PSORS1C1: variants seen among roughly 807,000 people sequenced by gnomAD.
The protein encoded by PSORS1C1 is psoriasis susceptibility 1 candidate 1.
A neutral mutation model predicts 9.4 loss-of-function variants in PSORS1C1; 7 were observed. That is an observed-to-expected ratio of 0.75 (90% CI 0.42 to 1.40). The LOEUF (loss-of-function observed/expected upper bound fraction) is 1.40, where lower values mean the gene tolerates loss of function less well. PSORS1C1 is among the 40% of genes most tolerant of loss of function. The pLI is 0.01. For missense variants in PSORS1C1, 146 were observed against 178.1 expected, an observed-to-expected ratio of 0.82 and a Z score of 1.02; for synonymous variants, 63 against 69.4, an observed-to-expected ratio of 0.91 and a Z score of 0.46.
Position 31,115,992 on chromosome 6 carries a change from C to T in PSORS1C1, c.-229+1101C>T. 1 of 1,582,220 alleles carries T rather than the reference C, an allele frequency of 6.3e-7. No individual in the cohort carries two copies. The highest frequency in any genetic ancestry group is 1.1e-5 in the South Asian group (1 of 90,232). ...GATATAGTGTATGTGCTTGTTTGTG[C>T]CCAAGGCATGCACACACACAACAGT... On this transcript the variant is annotated intron_variant, in intron 1 of 5. Coordinates refer to ENST00000259881, the MANE Select transcript of PSORS1C1 (RefSeq NM_014068.3). This position sits in a 1 kb window ranked among gnomAD's most constrained non-coding sequence, Gnocchi z 4.2.
At chr6:31,116,183 C>A in intron 1 of PSORS1C1, 2 of 1,613,076 alleles carry the variant, frequency 1.2e-6, no homozygotes, top group Non-Finnish European at 1.7e-6. Context: ...GCGGAGGGAT[C>A]AGGATGGGGA....
At chr6:31,118,834 C>CTTATTTT (rs1772303403) in intron 1 of PSORS1C1, 1 of 79,788 alleles carries the variant, frequency 1.3e-5, no homozygotes. Flanking sequence ...GAAGTTTTTT[C>CTTATTTT]TTCTTCTTCT....
At chr6:31,130,102 AAATT>A (rs921435900) in intron 3 of PSORS1C1, among the ~76,000 whole-genome samples, 3 of 151,342 alleles carry the variant, frequency 2.0e-5, no homozygotes, top group African/African-American at 7.3e-5. Context: ...AAAAAATAAA[AAATT>A]AATTAATTAA....
Position 31,115,868 on chromosome 6 carries a change from T to A in PSORS1C1, c.-229+977T>A. On this transcript the variant is annotated intron_variant, in intron 1 of 5. Coordinates refer to ENST00000259881, the MANE Select transcript of PSORS1C1 (RefSeq NM_014068.3). This position sits in a 1 kb window ranked among gnomAD's most constrained non-coding sequence, Gnocchi z 4.2. ...AGGAGGAAGGGGTGATAAGAGAGAG[T>A]CTGCAACCTTGGGGTAGTGGAGAAA... The A allele has an allele frequency of 1.6e-6, 1 of 635,624 alleles. No homozygotes were observed. Among genetic ancestry groups the A allele is most frequent in the South Asian group, 2.0e-5 (1 of 50,952 alleles). The allele number at this position is 635,624 out of a possible 1,614,324, so 39.4% of individuals were successfully genotyped here. A position where few individuals can be genotyped will look rare whatever the true frequency, so the allele number is the denominator to read the frequency against.
intron 2 of PSORS1C1, among the ~76,000 whole-genome samples, chr6:31,127,261 C>T (rs1554342508): frequency 1.3e-5 from 2 of 152,112 alleles, no homozygotes; most frequent in Non-Finnish European, 1.5e-5. Flanking sequence ...CATCTTCCCT[C>T]CTGTGTTCTG....
At chr6:31,126,351 C>T (rs1230937581) in intron 2 of PSORS1C1, among the ~76,000 whole-genome samples, 1 of 152,162 alleles carries the variant, frequency 6.6e-6, no homozygotes, top group African/African-American at 2.4e-5. Context: ...CAGGACCGTG[C>T]TGTATACTTT....
intron 1 of PSORS1C1, chr6:31,116,112 A>G: frequency 6.2e-7 from 1 of 1,611,448 alleles, no homozygotes; most frequent in Non-Finnish European, 8.5e-7. Context: ...GGGCTAGGAT[A>G]TCCCGGATGG....
intron 1 of PSORS1C1, chr6:31,116,985 G>A: frequency 1.2e-6 from 2 of 1,614,230 alleles, no homozygotes; most frequent in Non-Finnish European, 1.7e-6. Flanking sequence ...TGGAGCTGAC[G>A]CTTTGGCCAC....
chr6:31,116,196 GC>G lies in PSORS1C1; in HGVS notation c.-229+1307del, dbSNP rs755064204. ...CAGCGGAGGGATCAGGATGGGGAGA[GC>G]CATCGGGGCCCCCAGTCAGTGTCAA... On this transcript the variant is annotated intron_variant, in intron 1 of 5. Transcript: ENST00000259881. 1.9e-6 allele frequency: 3 copies of G among 1,613,676 alleles called. No homozygotes were observed. The South Asian group carries it at 3.3e-5, about 18-fold the overall frequency.
intron 3 of PSORS1C1, among the ~76,000 whole-genome samples, chr6:31,134,627 G>A (rs923584894): frequency 1.3e-5 from 2 of 151,534 alleles, no homozygotes; most frequent in Non-Finnish European, 2.9e-5. Flanking sequence ...TTTTTAATGA[G>A]AGTTACCACA....
At chr6:31,130,368 G>A (rs1031640872) in intron 3 of PSORS1C1, among the ~76,000 whole-genome samples, 5 of 150,832 alleles carry the variant, frequency 3.3e-5, no homozygotes, top group African/African-American at 1.2e-4. Context: ...TCTTCCTGCT[G>A]AGTAGCTGGG....
At chr6:31,135,326 TC>T (rs1773094766) in intron 3 of PSORS1C1, among the ~76,000 whole-genome samples, 1 of 152,114 alleles carries the variant, frequency 6.6e-6, no homozygotes, top group Non-Finnish European at 1.5e-5. Context: ...AACCTCTGCC[TC>T]CCAGGTTCAA....
intron 1 of PSORS1C1, chr6:31,120,388 C>G (rs371334209): frequency 6.3e-7 from 1 of 1,593,810 alleles, no homozygotes; most frequent in Non-Finnish European, 8.5e-7. Flanking sequence ...CCCACCCACA[C>G]GCCCCATCCA....
At position 31,117,492 on chromosome 6, in the gene PSORS1C1, A is replaced by G. The variant is rs3132552; in HGVS notation, c.-229+2601A>G. The G allele has an allele frequency of 0.75, 1,164,874 of 1,551,300 alleles. 439,842 individuals are homozygous for G. The highest frequency in any genetic ancestry group is 0.9 in the African/African-American group (65,690 of 73,172). On this transcript the variant is annotated intron_variant, in intron 1 of 5. Coordinates refer to ENST00000259881, the MANE Select transcript of PSORS1C1 (RefSeq NM_014068.3). The stretch of plus-strand genomic sequence containing the variant: ...AGGTGATACGCGTGGGGTCCTTACA[A>G]GGGTCTGAGAAGGTGCCAATGCTCT...
At chr6:31,123,200 T>TCTCCTGTCCA (rs1468312648) in intron 1 of PSORS1C1, among the ~76,000 whole-genome samples, 1 of 152,064 alleles carries the variant, frequency 6.6e-6, no homozygotes, top group African/African-American at 2.4e-5. Flanking sequence ...CTGGCTACTC[T>TCTCCTGTCCA]CTCCTGTCCA....
Position 31,128,528 on chromosome 6 carries a change from T to G in PSORS1C1, c.-64-1041T>G, listed in dbSNP as rs1772778980. On this transcript the variant is annotated intron_variant, in intron 2 of 5. Transcript: ENST00000259881. This position sits in a 1 kb window ranked among gnomAD's most constrained non-coding sequence, Gnocchi z 4.3. Reference sequence around the variant, plus strand: ...TATACTGCAAAAGGAAAGGTGGGGATGGGGTGGGGACTGGGGAATTTGGGG... The same window carrying G: ...TATACTGCAAAAGGAAAGGTGGGGAGGGGGTGGGGACTGGGGAATTTGGGG... 1.3e-5 allele frequency among the ~76,000 whole-genome samples: 2 copies of G among 150,094 alleles called. No individual in the cohort carries two copies. The highest frequency in any genetic ancestry group is 2.0e-4 in the East Asian group (1 of 5,066).
At chr6:31,138,358 G>GC in intron 3 of PSORS1C1, 72 bp from the exon 4 acceptor site, 6 of 1,487,894 alleles carry the variant, frequency 4.0e-6, no homozygotes, top group Non-Finnish European at 5.6e-6. Flanking sequence ...TCTCTCCCCA[G>GC]CCCCACCCAG....
At chr6:31,137,828 G>T in intron 3 of PSORS1C1, 1 of 468,242 alleles carries the variant, frequency 2.1e-6, no homozygotes, top group South Asian at 5.6e-5. Flanking sequence ...GAATAAAACC[G>T]AGGGAATGAG....
At chr6:31,117,276 G>T (rs765484937) in intron 1 of PSORS1C1, 1 of 1,604,138 alleles carries the variant, frequency 6.2e-7, no homozygotes. Context: ...AGCTGACCTG[G>T]GAATACCCCG....
Sources: allele counts gnomAD v4.1 joint callset (sites outside exome capture counted in the v4.1 genomes callset), GRCh38; gene constraint gnomAD v4.1.1; non-coding constraint Gnocchi (gnomAD v3.1); transcripts MANE v1.5; gene names NCBI Gene and HGNC (gene_info 2026-07-23, HGNC 2026-07-21).